Variants in ACACB observed in about 807,000 individuals in gnomAD.
ACACB encodes the protein acetyl-CoA carboxylase beta.
A neutral mutation model predicts 278.8 loss-of-function variants in ACACB; 209 were observed. The ratio of observed to expected loss-of-function variants is 0.75; its 90% CI spans 0.67 to 0.84. The LOEUF is 0.84. Ranked by LOEUF, ACACB falls within the 40% of genes least tolerant of loss-of-function variation. ACACB has a pLI of 0.00. For missense variants in ACACB, 2,850 were observed against 3,269.0 expected (o/e 0.87, Z 3.13); for synonymous variants, 1,174 against 1,285.6 (o/e 0.91, Z 1.86).
chr12:109,221,602 C>T (rs1218945679), intron 24 of ACACB, among the ~76,000 whole-genome samples: 1 of 152,158 alleles, frequency 6.6e-6, no homozygotes, highest in African/African-American at 2.4e-5. Context: ...CCTCTGAAAC[C>T]GTGAGCGCCT....
rs193098534 is a variant in ACACB, at chr12:109,251,077, G to A, written c.5791-969G>A. 2.7e-3 allele frequency among the ~76,000 whole-genome samples: 417 copies of A among 152,186 alleles called. 1 individual carries two copies. The highest frequency in any genetic ancestry group is 9.7e-3 in the African/African-American group (403 of 41,508). ...TTGAGGCTTTCCTCCTTTACCAGTCGAGTGTTCCTAGAAGAAGGGCACGGT... is the reference window on the plus strand; with the variant it reads ...TTGAGGCTTTCCTCCTTTACCAGTCAAGTGTTCCTAGAAGAAGGGCACGGT... On this transcript the variant is annotated intron_variant, in intron 41 of 52. Coordinates refer to ENST00000338432, the MANE Select transcript of ACACB (RefSeq NM_001093.4).
intron 41 of ACACB, among the ~76,000 whole-genome samples, chr12:109,250,717 AGTG>A (rs1486638065): frequency 6.6e-6 from 1 of 152,078 alleles, no homozygotes; most frequent in Non-Finnish European, 1.5e-5. Context: ...TAGTAGTAGT[AGTG>A]GTAGTAGTGT....
intron 24 of ACACB, among the ~76,000 whole-genome samples, chr12:109,222,069 T>G (rs2136510719): frequency 6.6e-6 from 1 of 151,994 alleles, no homozygotes; most frequent in African/African-American, 2.4e-5. Context: ...TCTATTTTTT[T>G]TTTTGTAGAG....
In ACACB at chr12:109,210,073, GTA is replaced by G. The variant is rs1322625649; in HGVS notation, c.3249+726_3249+727del. Among the ~76,000 whole-genome samples the G allele has an allele frequency of 4.1e-5, 5 of 123,320 alleles. 1 individual carries two copies. Among genetic ancestry groups the G allele is most frequent in the Admixed American group, 2.3e-4 (3 of 13,110 alleles). 80.9% of individuals were successfully genotyped at this position (123,320 alleles called of 152,430 possible). A position where few individuals can be genotyped will look rare whatever the true frequency, so the allele number is the denominator to read the frequency against. On this transcript the variant is annotated intron_variant, in intron 21 of 52. Coordinates refer to ENST00000338432, the MANE Select transcript of ACACB (RefSeq NM_001093.4). The stretch of plus-strand genomic sequence containing the variant: ...TATACACACACGTGTGTATATATGT[GTA>G]TATATGTATATATACACACATGTGT...
Position 109,254,330 on chromosome 12 carries a change from C to A in ACACB, c.6162C>A (p.His2054Gln). Residue 2054 changes from histidine (H) to glutamine (Q), a missense_variant, in exon 44 of 53, where the codon CAC (histidine) becomes CAA (glutamine). His to Gln is a conservative substitution (Grantham distance 24). Around this residue, in one of 3 missense-constraint regions of ACACB, gnomAD observed 579 missense variants for 684.6 expected, o/e 0.85. Transcript: ENST00000338432. ...GGTGGATGCTTGCAGGAAGGCCTCA[C>A]CCAAGTAAGTTCTAAAGTATTTTGC... is the stretch of plus-strand genomic sequence containing the variant. The part of the protein sequence containing the change: ...DPRWMLAGRP[H>Q]PTLKGTWQSG... 6.2e-7 allele frequency: 1 copy of A among 1,608,362 alleles called. No individual in the cohort carries two copies. The highest frequency in any genetic ancestry group is 8.5e-7 in the Non-Finnish European group (1 of 1,179,288).
rs888414990 is a variant in ACACB at position 109,163,549 on chromosome 12, G to A, written c.654-3312G>A. Among the ~76,000 whole-genome samples, 8 of 152,266 alleles carry A rather than the reference G, an allele frequency of 5.3e-5. No individual in the cohort carries two copies. In the South Asian group the frequency reaches 8.3e-4, roughly 16 times the overall value. ...GGAGAGGGGAAAAATGCATAAACCAGTAGGCCAGTGTAGGAATTTCAACAT... is the reference window on the plus strand; with the variant it reads ...GGAGAGGGGAAAAATGCATAAACCAATAGGCCAGTGTAGGAATTTCAACAT... On this transcript the variant is annotated intron_variant, in intron 2 of 52. Coordinates refer to ENST00000338432, the MANE Select transcript of ACACB (RefSeq NM_001093.4).
intron 18 of ACACB, 23 bp downstream of exon 18, chr12:109,199,575 GGAATCCT>G: frequency 7.1e-7 from 1 of 1,415,402 alleles, no homozygotes; most frequent in Non-Finnish European, 9.3e-7. Flanking sequence ...CCGGCCGTGG[GGAATCCT>G]GAACCCTCAA....
chr12:109,221,700 T>C (rs186658144), intron 24 of ACACB, among the ~76,000 whole-genome samples: 5 of 152,182 alleles, frequency 3.3e-5, no homozygotes, highest in Admixed American at 3.3e-4. Context: ...GTCTTGCACA[T>C]GTTTGCTGGC....
At chr12:109,218,741 C>T (rs1416467582) in intron 24 of ACACB, among the ~76,000 whole-genome samples, 2 of 150,282 alleles carry the variant, frequency 1.3e-5, no homozygotes, top group African/African-American at 4.9e-5. Context: ...GCAACCTCCG[C>T]CTCCCGGGTT....
Position 109,239,999 on chromosome 12 carries a change from A to T in ACACB, c.4818+14A>T. On this transcript the variant is annotated intron_variant, in intron 35 of 52. Transcript: ENST00000338432. The stretch of plus-strand genomic sequence containing the variant: ...GACCCCTTCAAGGTCTCGCCTTTGC[A>T]GGGGGGCTCTCACCGGGCTCTGGGT... 1.2e-6 allele frequency: 2 copies of T among 1,611,180 alleles called. No homozygotes were observed. Among genetic ancestry groups the T allele is most frequent in the East Asian group, 2.2e-5 (1 of 44,682 alleles).
rs1329869338 is a variant in ACACB at position 109,139,599 on chromosome 12, A to G, written c.194A>G (p.His65Arg). The G allele has an allele frequency of 6.2e-7, 1 of 1,613,992 alleles. No individual in the cohort carries two copies. The highest frequency in any genetic ancestry group is 8.5e-7 in the Non-Finnish European group (1 of 1,180,006). The change falls in exon 2 of 53, where the codon CAC becomes CGC. Residue 65 changes from histidine to arginine, a missense_variant. Physicochemically the swap from His to Arg is conservative, Grantham distance 29. Coordinates refer to ENST00000338432, the MANE Select transcript of ACACB (RefSeq NM_001093.4). Reference protein sequence around the residue: ...GETPQRNGEGHTLPKTPSQAE... With the variant: ...GETPQRNGEGRTLPKTPSQAE... ...ACACCGCAGAGAAATGGGGAGGGCC[A>G]CACTCTGCCCAAGACACCCAGCCAG...
Position 109,254,346 on chromosome 12 carries a change from A to C in ACACB, c.6166+12A>C. ...AAGGCCTCACCCAAGTAAGTTCTAA[A>C]GTATTTTGCCTAGGACCTGGTCTCG... is the stretch of plus-strand genomic sequence containing the variant. On this transcript the variant is annotated intron_variant, in intron 44 of 52. Transcript: ENST00000338432. The C allele has an allele frequency of 1.2e-6, 2 of 1,602,710 alleles. No individual in the cohort carries two copies. Among genetic ancestry groups the C allele is most frequent in the Non-Finnish European group, 1.7e-6 (2 of 1,178,362 alleles).
chr12:109,199,984 A>G (rs2045280067), intron 18 of ACACB, among the ~76,000 whole-genome samples: 1 of 148,128 alleles, frequency 6.8e-6, no homozygotes, highest in Non-Finnish European at 1.5e-5. Flanking sequence ...GTGAGCTGAG[A>G]TGGCGCCACT....
At position 109,256,171 on chromosome 12, in the gene ACACB, T is replaced by C. The variant is rs550941450; in HGVS notation, c.6198T>C (p.Phe2066=). 7 of 1,613,970 alleles carry C rather than the reference T, an allele frequency of 4.3e-6. No individual in the cohort carries two copies. The East Asian group carries it at 8.9e-5, about 21-fold the overall frequency. Residue 2066 remains phenylalanine, a synonymous_variant, in exon 45 of 53, where the codon TTT becomes TTC. Transcript: ENST00000338432. ...AGGGAACGTGGCAGAGCGGATTCTT[T>C]GACCACGGCAGTTTCAAGGAAATCA... ...TLKGTWQSGF[F]DHGSFKEIMA...
Position 109,233,742 on chromosome 12 carries a change from C to G in ACACB, c.4140-6C>G. On this transcript the variant is annotated splice_polypyrimidine_tract_variant and splice_region_variant and intron_variant, in intron 29 of 52. Transcript: ENST00000338432. ...CTCAGCCCTCCCTCTCTACCCGCAC[C>G]CCCAGAAATTTTGATGAAGTCATCT... 6.2e-7 allele frequency: 1 copy of G among 1,613,622 alleles called. No individual in the cohort carries two copies. The highest frequency in any genetic ancestry group is 1.3e-5 in the African/African-American group (1 of 75,016).
intron 4 of ACACB, among the ~76,000 whole-genome samples, chr12:109,169,154 A>AAAAG (rs1329963515): frequency 6.6e-6 from 1 of 151,422 alleles, no homozygotes; most frequent in African/African-American, 2.4e-5. Context: ...AAAAAAAAAA[A>AAAAG]AAAAAAGCAA....
chr12:109,254,277 C>T lies in ACACB; in HGVS notation c.6109C>T (p.Leu2037Phe), dbSNP rs751194997. ...CCCCATTGACAGAGAAATTGAATTC[C>T]TCCCATCCAGAGCTCCCTACGACCC... is the stretch of plus-strand genomic sequence containing the variant. ...TDPIDREIEFLPSRAPYDPRW... is the reference protein window; with the variant it reads ...TDPIDREIEFFPSRAPYDPRW... The change falls in exon 44 of 53, where the codon CTC becomes TTC. Residue 2037 changes from leucine (L) to phenylalanine (F), a missense_variant. This residue lies in a region of ACACB where 579 missense variants were observed against 684.6 expected (regional missense o/e 0.85). Transcript: ENST00000338432. 1.2e-6 allele frequency: 2 copies of T among 1,612,906 alleles called. No homozygotes were observed. Among genetic ancestry groups the T allele is most frequent in the Non-Finnish European group, 8.5e-7 (1 of 1,179,952 alleles).
At chr12:109,147,645 T>C (rs2043276287) in intron 2 of ACACB, among the ~76,000 whole-genome samples, 1 of 152,122 alleles carries the variant, frequency 6.6e-6, no homozygotes, top group South Asian at 2.1e-4. Context: ...ATAGTTATAG[T>C]GGTCTCTGTT....
At chr12:109,165,769 G>A (rs961992669) in intron 2 of ACACB, among the ~76,000 whole-genome samples, 1 of 152,140 alleles carries the variant, frequency 6.6e-6, no homozygotes, top group African/African-American at 2.4e-5. Context: ...GGAGCCGATG[G>A]GGTGGCCTTG....
Sources: allele counts gnomAD v4.1 joint callset (sites outside exome capture counted in the v4.1 genomes callset), GRCh38; gene constraint gnomAD v4.1.1; regional missense constraint gnomAD v4.1.1; transcripts MANE v1.5; gene names NCBI Gene and HGNC (gene_info 2026-07-23, HGNC 2026-07-21).